PRKAG1: variants seen among roughly 807,000 people sequenced by gnomAD.
PRKAG1 encodes 5'-AMP-activated protein kinase subunit gamma-1.
A neutral mutation model predicts 48.2 loss-of-function variants in PRKAG1; 27 were observed. The ratio of observed to expected loss-of-function variants is 0.56; its 90% confidence interval spans 0.41 to 0.77. The LOEUF (loss-of-function observed/expected upper bound fraction) is 0.77, where lower values mean the gene tolerates loss of function less well. PRKAG1 is among the 30% of genes least tolerant of loss of function. PRKAG1 has a pLI of 0.00. For synonymous variants in PRKAG1, 130 were observed against 147.7 expected, an observed-to-expected ratio of 0.88 and a Z score of 0.87; for missense variants, 287 against 398.3, an observed-to-expected ratio of 0.72 and a Z score of 2.38.
Position 49,002,914 on chromosome 12 carries a change from T to G in PRKAG1, c.981A>C (p.Gly327=). The part of the protein sequence containing the change: ...DILQALVLTG[G]EKKP ...TTCCCCCAGCTCAGGGCTTCTTCTC[T>G]CCACCTGTGAGCACCAGGGCCTGCA... Residue 327 remains glycine, a synonymous_variant, in exon 12 of 12, where the codon GGA becomes GGC. Coordinates refer to ENST00000548065, the MANE Select transcript of PRKAG1 (RefSeq NM_002733.5). 1 of 1,614,118 alleles carries G rather than the reference T, an allele frequency of 6.2e-7. No homozygotes were observed. Among genetic ancestry groups the G allele is most frequent in the Admixed American group, 1.7e-5 (1 of 60,028 alleles).
intron 8 of PRKAG1, 105 bp from the exon 9 acceptor site, chr12:49,004,027 T>A (rs1161239608): frequency 5.5e-6 from 8 of 1,452,442 alleles, no homozygotes; most frequent in Non-Finnish European, 7.3e-6. Flanking sequence ...CGCCGGCTTA[T>A]GCCTATAATC....
At position 49,002,835 on chromosome 12, in the gene PRKAG1, C is replaced by T. The variant is rs776011328; in HGVS notation, c.*64G>A. The T allele has an allele frequency of 5.5e-6, 8 of 1,456,002 alleles. No homozygotes were observed. In the East Asian group the frequency reaches 1.4e-4, roughly 25 times the overall value. 90.2% of individuals were successfully genotyped at this position (1,456,002 alleles called of 1,614,324 possible). The stretch of plus-strand genomic sequence containing the variant: ...TCCCTCAAGTTTCATCTGATTCCCA[C>T]AGAGCTTCCAGCAGGCAGTGAGTTG... On this transcript the variant is annotated 3_prime_UTR_variant, in exon 12 of 12. Transcript: ENST00000548065.
Position 49,005,368 on chromosome 12 carries a change from G to C in PRKAG1, c.251-4C>G. On this transcript the variant is annotated splice_region_variant and splice_polypyrimidine_tract_variant and intron_variant, in intron 4 of 11. Transcript: ENST00000548065. This position sits in a 1 kb window ranked among gnomAD's most constrained non-coding sequence, Gnocchi z 4.1. Reference sequence around the variant, plus strand: ...AAATCAGTGATGGTCAGCATGCCTAGAGGACAAGACAGAGCCCTCAGCACT... The same window carrying C: ...AAATCAGTGATGGTCAGCATGCCTACAGGACAAGACAGAGCCCTCAGCACT... 6.2e-7 allele frequency: 1 copy of C among 1,614,056 alleles called. No individual in the cohort carries two copies. The highest frequency in any genetic ancestry group is 8.5e-7 in the Non-Finnish European group (1 of 1,180,024).
chr12:49,006,814 A>C (rs1451537426), intron 2 of PRKAG1, among the ~76,000 whole-genome samples: 1 of 151,776 alleles, frequency 6.6e-6, no homozygotes, highest in Non-Finnish European at 1.5e-5. Flanking sequence ...TATTAAAAAT[A>C]CAAAATTAGC....
chr12:49,018,568 A>G (rs537207130), intron 1 of PRKAG1, 164 bp downstream of exon 1: 1 of 1,481,836 alleles, frequency 6.7e-7, no homozygotes, highest in East Asian at 2.5e-5. Context: ...GATGCGCCCA[A>G]CGAAGAAGCG....
intron 1 of PRKAG1, among the ~76,000 whole-genome samples, chr12:49,015,740 GT>G (rs552646511): frequency 2.0e-5 from 3 of 151,230 alleles, no homozygotes; most frequent in African/African-American, 2.4e-5. Flanking sequence ...GCCCAGCTAA[GT>G]TTTTTTTTGT....
chr12:49,003,037 T>A, intron 11 of PRKAG1, 31 bp from the exon 12 acceptor site: 1 of 1,613,176 alleles, frequency 6.2e-7, no homozygotes, highest in Non-Finnish European at 8.5e-7. Context: ...AGAAAGGGAA[T>A]GTTTAGTGCT....
At position 49,002,667 on chromosome 12, in the gene PRKAG1, T is replaced by C; in HGVS notation, c.*232A>G. ...GGGATATATCTAAGAGGACAGGGGC[T>C]AGAACTGGCTAGGCTGAAAGTTTTT... On this transcript the variant is annotated 3_prime_UTR_variant, in exon 12 of 12. Coordinates refer to ENST00000548065, the MANE Select transcript of PRKAG1 (RefSeq NM_002733.5). 1.6e-6 allele frequency: 1 copy of C among 618,690 alleles called. No homozygotes were observed. The highest frequency in any genetic ancestry group is 3.0e-6 in the Non-Finnish European group (1 of 338,432). The allele number at this position is 618,690 out of a possible 1,614,324, so 38.3% of individuals were successfully genotyped here.
rs184621052 is a variant in PRKAG1 at position 49,005,980 on chromosome 12, T to C, written c.59-128A>G. The C allele has an allele frequency of 2.0e-3, 1,399 of 687,912 alleles. 5 individuals carry two copies. The highest frequency in any genetic ancestry group is 0.016 in the East Asian group (552 of 35,418). 42.6% of individuals were successfully genotyped at this position (687,912 alleles called of 1,614,324 possible). On this transcript the variant is annotated intron_variant, in intron 2 of 11. Transcript: ENST00000548065. The surrounding 1 kb of genome is among the most constrained non-coding windows in gnomAD (Gnocchi z 4.1). ...ATTATTTTTTAATAAGACCCCTTAT[T>C]TTATCTGTCTTGTTCCTATTGTTTC...
intron 2 of PRKAG1, among the ~76,000 whole-genome samples, chr12:49,007,105 C>A (rs1275215781): frequency 1.3e-5 from 2 of 151,526 alleles, no homozygotes; most frequent in Non-Finnish European, 2.9e-5. Context: ...GCCAACATGG[C>A]GAAACCCCGT....
At position 49,017,627 on chromosome 12, in the gene PRKAG1, C is replaced by T. The variant is rs992645101; in HGVS notation, c.9+1105G>A. On this transcript the variant is annotated intron_variant, in intron 1 of 11. Coordinates refer to ENST00000548065, the MANE Select transcript of PRKAG1 (RefSeq NM_002733.5). The stretch of plus-strand genomic sequence containing the variant: ...TGCTTTGTAAACCATAATACATTTA[C>T]AAGTAAGTAGAATATGACATGTCAT... The T allele has an allele frequency of 4.4e-5, 7 of 160,014 alleles. No homozygotes were observed. The South Asian group carries it at 8.9e-4, about 20-fold the overall frequency. The allele number at this position is 160,014 out of a possible 1,614,324, so 9.9% of individuals were successfully genotyped here. A position where few individuals can be genotyped will look rare whatever the true frequency, so the allele number is the denominator to read the frequency against.
Position 49,002,822 on chromosome 12 carries a change from C to T in PRKAG1, c.*77G>A. On this transcript the variant is annotated 3_prime_UTR_variant, in exon 12 of 12. Coordinates refer to ENST00000548065, the MANE Select transcript of PRKAG1 (RefSeq NM_002733.5). ...ACAGAGTCACAATTCCCTCAAGTTTCATCTGATTCCCACAGAGCTTCCAGC... is the reference window on the plus strand; with the variant it reads ...ACAGAGTCACAATTCCCTCAAGTTTTATCTGATTCCCACAGAGCTTCCAGC... 7.4e-7 allele frequency: 1 copy of T among 1,358,536 alleles called. No individual in the cohort carries two copies. The highest frequency in any genetic ancestry group is 1.0e-6 in the Non-Finnish European group (1 of 965,198). The allele number at this position is 1,358,536 out of a possible 1,614,324, so 84.2% of individuals were successfully genotyped here.
At chr12:49,014,569 G>C (rs374942261) in intron 1 of PRKAG1, among the ~76,000 whole-genome samples, 9 of 152,368 alleles carry the variant, frequency 5.9e-5, no homozygotes, top group East Asian at 5.8e-4. Context: ...ATGGCAGAGA[G>C]AGAGCCACAA....
chr12:49,018,759 T>C lies in PRKAG1; in HGVS notation c.-19A>G. On this transcript the variant is annotated 5_prime_UTR_variant, in exon 1 of 12. Transcript: ENST00000548065. ...TCTCCATTGCAAGAGGCGCCCGGCT[T>C]GGTTTCCTCGCTTTAGGAAACTCTC... 1 of 1,612,564 alleles carries C rather than the reference T, an allele frequency of 6.2e-7. No individual in the cohort carries two copies. The highest frequency in any genetic ancestry group is 8.5e-7 in the Non-Finnish European group (1 of 1,179,940).
At chr12:49,007,979 C>T (rs1184629797) in intron 2 of PRKAG1, among the ~76,000 whole-genome samples, 2 of 151,972 alleles carry the variant, frequency 1.3e-5, no homozygotes, top group South Asian at 2.1e-4. Context: ...CCTGCCTCAG[C>T]CTCGCAAGTA....
At chr12:49,012,794 A>G (rs1018083255) in intron 2 of PRKAG1, 13 of 461,264 alleles carry the variant, frequency 2.8e-5, no homozygotes, top group Non-Finnish European at 4.7e-5. Context: ...CATGGTAGCC[A>G]GCCCAGAGTT....
chr12:49,005,418 G>A lies in PRKAG1; in HGVS notation c.250+44C>T, dbSNP rs1275625993. 1.2e-6 allele frequency: 2 copies of A among 1,614,044 alleles called. No individual in the cohort carries two copies. The highest frequency in any genetic ancestry group is 1.7e-6 in the Non-Finnish European group (2 of 1,180,020). On this transcript the variant is annotated intron_variant, in intron 4 of 11. Transcript: ENST00000548065. This position sits in a 1 kb window ranked among gnomAD's most constrained non-coding sequence, Gnocchi z 4.1. Reference sequence around the variant, plus strand: ...TGCCTGAAGCTTGTCTCCCTGCCCAGCACAAGATGCCAATAATATTGTGTT... The same window carrying A: ...TGCCTGAAGCTTGTCTCCCTGCCCAACACAAGATGCCAATAATATTGTGTT...
chr12:49,006,112 A>G lies in PRKAG1; in HGVS notation c.59-260T>C, dbSNP rs527814221. ...AGGTAAAAGAAGTTGACTAAAACAT[A>G]AAGCCTATAGTATCTCTCTTTAACA... On this transcript the variant is annotated intron_variant, in intron 2 of 11. Coordinates refer to ENST00000548065, the MANE Select transcript of PRKAG1 (RefSeq NM_002733.5). Among the ~76,000 whole-genome samples the G allele has an allele frequency of 8.5e-5, 13 of 152,346 alleles. No individual in the cohort carries two copies. In the East Asian group the frequency reaches 2.5e-3, roughly 29 times the overall value.
At chr12:49,017,202 T>C (rs919099319) in intron 1 of PRKAG1, 1 of 455,438 alleles carries the variant, frequency 2.2e-6, no homozygotes, top group Non-Finnish European at 4.4e-6. Context: ...GAGTTTTCTT[T>C]CTTTTCTTTT....
Sources: allele counts gnomAD v4.1 joint callset (sites outside exome capture counted in the v4.1 genomes callset), GRCh38; gene constraint gnomAD v4.1.1; non-coding constraint Gnocchi (gnomAD v3.1); transcripts MANE v1.5; gene names NCBI Gene and HGNC (gene_info 2026-07-23, HGNC 2026-07-21).